CCL23: variants seen among roughly 807,000 people sequenced by gnomAD.
CCL23 encodes the protein C-C motif chemokine 23.
CCL23 carries 10 observed loss-of-function variants against 11.8 expected under a neutral mutation model. That is an observed-to-expected ratio of 0.84 (90% CI 0.52 to 1.43). The LOEUF is 1.43. Ranked by LOEUF, CCL23 falls within the 40% of genes most tolerant of loss-of-function variation. The pLI is 0.00. For synonymous variants in CCL23, 60 were observed against 61.0 expected (o/e 0.98, Z 0.07); for missense variants, 181 against 170.9 (o/e 1.06, Z -0.33).
chr17:36,016,210 C>T (rs950341138), intron 1 of CCL23, among the ~76,000 whole-genome samples: 18 of 151,742 alleles, frequency 1.2e-4, no homozygotes, highest in Admixed American at 5.9e-4. Context: ...GTGCTGAACG[C>T]GCAGGTTCAT....
chr17:36,015,799 G>A (rs965381449), intron 1 of CCL23, among the ~76,000 whole-genome samples: 1 of 152,148 alleles, frequency 6.6e-6, no homozygotes, highest in African/African-American at 2.4e-5. Context: ...CACTTTGGGA[G>A]GCCAAGGCGG....
At position 36,013,924 on chromosome 17, in the gene CCL23, A is replaced by C; in HGVS notation, c.137-15T>G. ...CCTCCAGAGCACTGTGGAGGGTGAG[A>C]AGGCACATGGCTCAGAAGAGATGTT... On this transcript the variant is annotated splice_polypyrimidine_tract_variant and intron_variant, in intron 2 of 3. Transcript: ENST00000615050. 1 of 1,613,238 alleles carries C rather than the reference A, an allele frequency of 6.2e-7. No homozygotes were observed. Among genetic ancestry groups the C allele is most frequent in the Non-Finnish European group, 8.5e-7 (1 of 1,179,346 alleles).
chr17:36,016,898 G>A (rs972854495), intron 1 of CCL23, among the ~76,000 whole-genome samples: 1 of 151,618 alleles, frequency 6.6e-6, no homozygotes, highest in African/African-American at 2.4e-5. Flanking sequence ...TGGCAATAAC[G>A]ATTCAGCTGC....
At chr17:36,016,211 G>A (rs995641890) in intron 1 of CCL23, among the ~76,000 whole-genome samples, 6 of 151,758 alleles carry the variant, frequency 4.0e-5, no homozygotes, top group East Asian at 1.9e-4. Flanking sequence ...TGCTGAACGC[G>A]CAGGTTCATT....
At chr17:36,015,295 A>G (rs544968739) in intron 1 of CCL23, among the ~76,000 whole-genome samples, 68 of 152,170 alleles carry the variant, frequency 4.5e-4, no homozygotes, top group Non-Finnish European at 8.1e-4. Context: ...CCTTACTTAA[A>G]TTTTTATTTT....
At chr17:36,015,201 A>G (rs1734952) in intron 1 of CCL23, among the ~76,000 whole-genome samples, 9,738 of 152,018 alleles carry the variant, frequency 0.064, 1,089 homozygotes, top group African/African-American at 0.22. Flanking sequence ...GGAATCATAC[A>G]CTATTTGTCC....
intron 1 of CCL23, among the ~76,000 whole-genome samples, chr17:36,017,053 G>T (rs1461522552): frequency 6.6e-6 from 1 of 151,826 alleles, no homozygotes; most frequent in East Asian, 1.9e-4. Flanking sequence ...ATCTTAAATG[G>T]CCTTGTCGTT....
At chr17:36,013,931 A>G (rs755696186) in intron 2 of CCL23, 22 bp from the exon 3 acceptor site, 1 of 1,612,340 alleles carries the variant, frequency 6.2e-7, no homozygotes, top group Non-Finnish European at 8.5e-7. Context: ...GAGAAGGCAC[A>G]TGGCTCAGAA....
chr17:36,013,320 G>A lies in CCL23; in HGVS notation c.303-12C>T. The A allele has an allele frequency of 1.9e-6, 3 of 1,582,038 alleles. No individual in the cohort carries two copies. Among genetic ancestry groups the A allele is most frequent in the Non-Finnish European group, 2.6e-6 (3 of 1,151,936 alleles). Reference sequence around the variant, plus strand: ...TCTTGGTGAGGAAGCTAGGGAACAAGGGGGAGAAAAGTTACAAACTGAGGT... The same window carrying A: ...TCTTGGTGAGGAAGCTAGGGAACAAAGGGGAGAAAAGTTACAAACTGAGGT... On this transcript the variant is annotated splice_polypyrimidine_tract_variant and intron_variant, in intron 3 of 3. Coordinates refer to ENST00000615050, the MANE Select transcript of CCL23 (RefSeq NM_005064.6).
chr17:36,013,639 G>T, intron 3 of CCL23, 105 bp downstream of exon 3: 2 of 1,110,002 alleles, frequency 1.8e-6, no homozygotes, highest in Non-Finnish European at 2.7e-6. Context: ...TACCTGGCAG[G>T]ATCCAGAGGG....
At chr17:36,017,783 A>G (rs201394186) in intron 1 of CCL23, 39 bp downstream of exon 1, 27 of 1,593,334 alleles carry the variant, frequency 1.7e-5, no homozygotes, top group East Asian at 8.9e-5. Flanking sequence ...TTGAGTTACC[A>G]TGAACCTGGT....
chr17:36,017,959 G>C lies in CCL23; in HGVS notation c.-62C>G, dbSNP rs111373433. Reference sequence around the variant, plus strand: ...TGGGCTCACTGCTTCCTGGCTTCTCGGGATGCCAGTTCTGCCCTTGTATTT... The same window carrying C: ...TGGGCTCACTGCTTCCTGGCTTCTCCGGATGCCAGTTCTGCCCTTGTATTT... On this transcript the variant is annotated 5_prime_UTR_variant, in exon 1 of 4. Transcript: ENST00000615050. 62 of 1,578,908 alleles carry C rather than the reference G, an allele frequency of 3.9e-5. 1 individual carries two copies. The highest frequency in any genetic ancestry group is 2.8e-4 in the African/African-American group (21 of 74,378).
At position 36,014,409 on chromosome 17, in the gene CCL23, A is replaced by G. The variant is rs759543260; in HGVS notation, c.77-16T>C. The G allele has an allele frequency of 4.1e-5, 65 of 1,604,264 alleles. No individual in the cohort carries two copies. In the South Asian group the frequency reaches 6.9e-4, roughly 17 times the overall value. The stretch of plus-strand genomic sequence containing the variant: ...GTCTCTGCATCTGGAAGAAGCAGAC[A>G]GGACAGGGAAGGAAATCACTGGGCG... On this transcript the variant is annotated splice_polypyrimidine_tract_variant and intron_variant, in intron 1 of 3. Coordinates refer to ENST00000615050, the MANE Select transcript of CCL23 (RefSeq NM_005064.6).
intron 1 of CCL23, among the ~76,000 whole-genome samples, chr17:36,015,028 T>G (rs1034024749): frequency 6.6e-6 from 1 of 152,196 alleles, no homozygotes; most frequent in Non-Finnish European, 1.5e-5. Flanking sequence ...TAGCATCAAA[T>G]ACACTCAAAT....
In CCL23 at chr17:36,013,927, G is replaced by GC; in HGVS notation, c.137-19dup. ...CCAGAGCACTGTGGAGGGTGAGAAG[G>GC]CACATGGCTCAGAAGAGATGTTTCC... On this transcript the variant is annotated intron_variant, in intron 2 of 3. Transcript: ENST00000615050. 1 of 1,612,692 alleles carries GC rather than the reference G, an allele frequency of 6.2e-7. No individual in the cohort carries two copies. The highest frequency in any genetic ancestry group is 1.7e-5 in the Admixed American group (1 of 60,020).
chr17:36,013,143 G>A lies in CCL23; in HGVS notation c.*54C>T. 1.0e-6 allele frequency: 1 copy of A among 1,000,352 alleles called. No homozygotes were observed. Among genetic ancestry groups the A allele is most frequent in the South Asian group, 1.3e-5 (1 of 78,086 alleles). The allele number at this position is 1,000,352 out of a possible 1,614,324, so 62.0% of individuals were successfully genotyped here. A position where few individuals can be genotyped will look rare whatever the true frequency, so the allele number is the denominator to read the frequency against. On this transcript the variant is annotated 3_prime_UTR_variant, in exon 4 of 4. Transcript: ENST00000615050. ...CTTAAAAAAATAATTCAGGAAGGTA[G>A]TTGAGGCAAGAAAGTTGGTGGCTGG...
intron 3 of CCL23, 72 bp from the exon 4 acceptor site, chr17:36,013,380 C>T (rs1257457838): frequency 1.1e-6 from 1 of 887,816 alleles, no homozygotes; most frequent in East Asian, 2.5e-5. Flanking sequence ...GCCCCATTCT[C>T]CCTGCCCCTC....
At chr17:36,013,613 G>T in intron 3 of CCL23, 131 bp downstream of exon 3, 2 of 831,584 alleles carry the variant, frequency 2.4e-6, no homozygotes, top group Non-Finnish European at 3.9e-6. Flanking sequence ...ATCTTCCTAA[G>T]GACACAGCTG....
chr17:36,013,681 C>T, intron 3 of CCL23, 63 bp downstream of exon 3: 2 of 1,538,344 alleles, frequency 1.3e-6, no homozygotes, highest in Admixed American at 1.7e-5. Flanking sequence ...CTATCAGGTC[C>T]TCCCTGCAAG....
Sources: gnomAD v4.1 joint callset for allele counts (sites outside exome capture counted in the v4.1 genomes callset) on GRCh38, gnomAD v4.1.1 for gene constraint, MANE v1.5 for transcripts, NCBI Gene and HGNC (gene_info 2026-07-23, HGNC 2026-07-21) for gene names.